Variants in DDOST observed in about 807,000 individuals in gnomAD.
The protein encoded by DDOST is dolichyl-diphosphooligosaccharide--protein glycosyltransferase 48 kDa subunit.
In DDOST, 25 loss-of-function variants were observed where a neutral mutation model predicts 47.6. That is an observed-to-expected ratio of 0.53 (90% CI 0.38 to 0.73). DDOST has a LOEUF of 0.73. Among genes scored for constraint, DDOST ranks in the 30% least tolerant of loss-of-function variants. The probability of loss-of-function intolerance (pLI) is 0.00; values close to 1 mark genes in which losing one functional copy is unlikely to be tolerated. For synonymous variants in DDOST, 275 were observed against 236.0 expected, an observed-to-expected ratio of 1.17 and a Z score of -1.51; for missense variants, 526 against 573.9, an observed-to-expected ratio of 0.92 and a Z score of 0.85.
At chr1:20,661,060 GGACCCGCACGCCAAGCGGCAGGCCA>G in intron 1 of DDOST, 69 bp from the exon 2 acceptor site, 1 of 1,474,774 alleles carries the variant, frequency 6.8e-7, no homozygotes, top group Non-Finnish European at 9.4e-7. Context: ...CAGACATCGC[GGACCCGCACGCCAAGCGGCAGGCCA>G]GACCCGGGCG....
rs1186642170 is a variant in DDOST, at chr1:20,651,843, G to GAGAC, written c.*532_*535dup. ...TTTATTTATTTATTTATTTATATTT[G>GAGAC]AGACAGAGTCTTAACACTGTTGCCC... is the stretch of plus-strand genomic sequence containing the variant. On this transcript the variant is annotated 3_prime_UTR_variant, in exon 11 of 11. Coordinates refer to ENST00000602624, the MANE Select transcript of DDOST (RefSeq NM_005216.5). The GAGAC allele has an allele frequency of 8.6e-5, 10 of 115,954 alleles. No individual in the cohort carries two copies. The highest frequency in any genetic ancestry group is 1.7e-4 in the Admixed American group (2 of 12,056). 7.2% of individuals were successfully genotyped at this position (115,954 alleles called of 1,614,324 possible).
Position 20,652,612 on chromosome 1 carries a change from T to C in DDOST, c.1170+9A>G. The C allele has an allele frequency of 1.9e-6, 3 of 1,614,198 alleles. No homozygotes were observed. Among genetic ancestry groups the C allele is most frequent in the Non-Finnish European group, 2.5e-6 (3 of 1,179,992 alleles). On this transcript the variant is annotated intron_variant, in intron 10 of 10. Coordinates refer to ENST00000602624, the MANE Select transcript of DDOST (RefSeq NM_005216.5). ...CTAGCTGAAAACAGAAGCTGTCACC[T>C]GTGCTTACCTGAGTGGAAGAGTACA...
In DDOST at chr1:20,654,237, C is replaced by T. The variant is rs961389384; in HGVS notation, c.780G>A (p.Ala260=). The T allele has an allele frequency of 3.4e-5, 52 of 1,550,592 alleles. No individual in the cohort carries two copies. The highest frequency in any genetic ancestry group is 4.9e-5 in the East Asian group (2 of 40,948). Reference sequence around the variant, plus strand: ...CTGGCAGCTACCTCTGGGAGCCGGGCGCCGCCTTCTGCACTGCTGAGTTGA... The same window carrying T: ...CTGGCAGCTACCTCTGGGAGCCGGGTGCCGCCTTCTGCACTGCTGAGTTGA... ...SFFNSAVQKA[A]PGSQRYSQTG... The change falls in exon 7 of 11, where the codon GCG becomes GCA. Residue 260 remains alanine (A), a synonymous_variant. Transcript: ENST00000602624.
At chr1:20,661,086 G>A in intron 1 of DDOST, 95 bp from the exon 2 acceptor site, 2 of 1,479,546 alleles carry the variant, frequency 1.4e-6, no homozygotes, top group South Asian at 1.2e-5. Context: ...CGGCAGGCCA[G>A]ACCCGGGCGG....
chr1:20,653,088 C>T (rs1289854527), intron 8 of DDOST, 117 bp from the exon 9 acceptor site: 4 of 1,322,306 alleles, frequency 3.0e-6, no homozygotes, highest in Admixed American at 2.1e-5. Context: ...CCCAGGAGTT[C>T]AGAAGACCTG....
At chr1:20,659,031 A>AT (rs2053407382) in intron 2 of DDOST, among the ~76,000 whole-genome samples, 1 of 150,390 alleles carries the variant, frequency 6.6e-6, no homozygotes, top group Admixed American at 6.6e-5. Flanking sequence ...AATTTTGTTC[A>AT]TTTTTTTGTA....
At chr1:20,653,858 A>AT (rs2053330224) in intron 7 of DDOST, 84 bp from the exon 8 acceptor site, 3 of 1,498,412 alleles carry the variant, frequency 2.0e-6, no homozygotes, top group Non-Finnish European at 1.8e-6. Context: ...CATGTCCACC[A>AT]TGACAGTACC....
At chr1:20,659,789 T>C (rs1337293082) in intron 2 of DDOST, among the ~76,000 whole-genome samples, 2 of 152,112 alleles carry the variant, frequency 1.3e-5, no homozygotes, top group Non-Finnish European at 2.9e-5. Flanking sequence ...AAAGAAGCCA[T>C]GTCCCAGTTA....
intron 2 of DDOST, among the ~76,000 whole-genome samples, 183 bp from the exon 3 acceptor site, chr1:20,656,370 G>A (rs557702279): frequency 6.6e-5 from 10 of 152,348 alleles, no homozygotes; most frequent in East Asian, 3.9e-4. Context: ...CCCCATCCTC[G>A]CAGCGTGAAG....
Position 20,652,850 on chromosome 1 carries a change from CCTTT to C in DDOST, c.1060_1063del (p.Lys354ValfsTer26). 1.2e-6 allele frequency: 2 copies of C among 1,614,206 alleles called. No homozygotes were observed. Among genetic ancestry groups the C allele is most frequent in the Non-Finnish European group, 1.7e-6 (2 of 1,180,042 alleles). ...CATCCTCGTGCAGGAACTACACTCACCTTTCTTCTTCAGGAAGGTCCTCACAAAA... is the reference window on the plus strand; with the variant it reads ...CATCCTCGTGCAGGAACTACACTCACCTTCTTCAGGAAGGTCCTCACAAAA... On this transcript the variant is annotated frameshift_variant and splice_region_variant, in exon 9 of 11. Transcript: ENST00000602624. LOFTEE classifies it high-confidence loss of function.
At position 20,654,697 on chromosome 1, in the gene DDOST, C is replaced by G; in HGVS notation, c.562G>C (p.Asp188His). The change falls in exon 6 of 11, where the codon GAT (aspartate) becomes CAT (histidine). Residue 188 changes from aspartate (D) to histidine (H), a missense_variant. Physicochemically the swap from Asp to His is moderately conservative, Grantham distance 81. Transcript: ENST00000602624. ...ILFRGVGMVA[D>H]PDNPLVLDIL... ...TCCAGCACCAAAGGGTTATCAGGATCGGCCACCATCCTGCAGCAGGACGAG... is the reference window on the plus strand; with the variant it reads ...TCCAGCACCAAAGGGTTATCAGGATGGGCCACCATCCTGCAGCAGGACGAG... 6.4e-7 allele frequency: 1 copy of G among 1,556,446 alleles called. No individual in the cohort carries two copies. Among genetic ancestry groups the G allele is most frequent in the South Asian group, 1.2e-5 (1 of 84,446 alleles).
At chr1:20,658,011 T>A (rs952009087) in intron 2 of DDOST, among the ~76,000 whole-genome samples, 42 of 152,170 alleles carry the variant, frequency 2.8e-4, no homozygotes, top group African/African-American at 9.7e-4. Flanking sequence ...TTAAACACCC[T>A]ACAGTACACA....
intron 2 of DDOST, among the ~76,000 whole-genome samples, chr1:20,658,433 G>C (rs948758090): frequency 6.6e-6 from 1 of 152,248 alleles, no homozygotes; most frequent in Non-Finnish European, 1.5e-5. Context: ...TTCCTCCCAA[G>C]GAACGCCTGA....
At chr1:20,658,124 C>T (rs2053395460) in intron 2 of DDOST, among the ~76,000 whole-genome samples, 1 of 152,242 alleles carries the variant, frequency 6.6e-6, no homozygotes, top group African/African-American at 2.4e-5. Flanking sequence ...ATCGAGACCA[C>T]CTGGAGTTAA....
intron 8 of DDOST, among the ~76,000 whole-genome samples, chr1:20,653,343 C>T (rs1285878352): frequency 2.6e-5 from 4 of 152,226 alleles, no homozygotes; most frequent in Non-Finnish European, 5.9e-5. Context: ...ACCTATTTCT[C>T]TTATTAAGTC....
At chr1:20,653,971 CAACA>C (rs2053332153) in intron 7 of DDOST, among the ~76,000 whole-genome samples, 197 bp from the exon 8 acceptor site, 1 of 152,174 alleles carries the variant, frequency 6.6e-6, no homozygotes, top group South Asian at 2.1e-4. Context: ...GTCATCTGCA[CAACA>C]AATACACAAA....
intron 3 of DDOST, 91 bp from the exon 4 acceptor site, chr1:20,655,870 G>A (rs1047739486): frequency 2.5e-5 from 27 of 1,071,216 alleles, no homozygotes; most frequent in African/African-American, 1.4e-4. Flanking sequence ...CTCTCTGTCA[G>A]CCCCAGTGCC....
chr1:20,652,674 A>C lies in DDOST; in HGVS notation c.1117T>G (p.Phe373Val). ...CCTAGCCGGTTGTAATCCACTTTAA[A>C]CTGGAATACACCATACACGTCGGGC... ...KLPDVYGVFQ[F>V]KVDYNRLGYT... Residue 373 changes from phenylalanine to valine, a missense_variant, in exon 10 of 11, where the codon TTT becomes GTT. Physicochemically the swap from Phe to Val is conservative, Grantham distance 50 (BLOSUM62 -1). Coordinates refer to ENST00000602624, the MANE Select transcript of DDOST (RefSeq NM_005216.5). 1 of 1,614,130 alleles carries C rather than the reference A, an allele frequency of 6.2e-7. No homozygotes were observed. Among genetic ancestry groups the C allele is most frequent in the Middle Eastern group, 1.6e-4 (1 of 6,062 alleles).
At chr1:20,657,161 G>A (rs1192771988) in intron 2 of DDOST, among the ~76,000 whole-genome samples, 1 of 152,182 alleles carries the variant, frequency 6.6e-6, no homozygotes, top group African/African-American at 2.4e-5. Context: ...AGTCCCCGAG[G>A]GGGGTGGGCA....
Sources: gnomAD v4.1 joint callset for allele counts (sites outside exome capture counted in the v4.1 genomes callset) on GRCh38, gnomAD v4.1.1 for gene constraint, MANE v1.5 for transcripts, NCBI Gene and HGNC (gene_info 2026-07-23, HGNC 2026-07-21) for gene names.